Variants in PREX2 observed in about 807,000 individuals in gnomAD.
PREX2 encodes phosphatidylinositol-3,4,5-trisphosphate dependent Rac exchange factor 2.
Under a neutral mutation model 203.2 loss-of-function variants are expected in PREX2, and 107 were observed. That is an observed-to-expected ratio of 0.53 (90% CI 0.45 to 0.62). PREX2 has a LOEUF of 0.62. Among genes scored for constraint, PREX2 ranks in the 20% least tolerant of loss-of-function variants. The probability of loss-of-function intolerance (pLI) is 0.00; values close to 1 mark genes in which losing one functional copy is unlikely to be tolerated. For synonymous variants in PREX2, 672 were observed against 663.6 expected, an observed-to-expected ratio of 1.01 and a Z score of -0.19; for missense variants, 1,777 against 1,955.9, an observed-to-expected ratio of 0.91 and a Z score of 1.72.
chr8:68,148,416 A>T (rs1349882833), intron 34 of PREX2, among the ~76,000 whole-genome samples: 2 of 152,166 alleles, frequency 1.3e-5, no homozygotes, highest in Non-Finnish European at 2.9e-5. Context: ...TCTTCTTAAA[A>T]ATTTTGACTT....
chr8:68,151,376 T>G (rs930626012), intron 34 of PREX2, among the ~76,000 whole-genome samples: 5 of 152,136 alleles, frequency 3.3e-5, no homozygotes, highest in African/African-American at 1.2e-4. Context: ...ATGATAGCAC[T>G]ACTGCACACC....
At chr8:67,999,091 A>C (rs1274719638) in intron 1 of PREX2, among the ~76,000 whole-genome samples, 1 of 152,162 alleles carries the variant, frequency 6.6e-6, no homozygotes, top group African/African-American at 2.4e-5. Context: ...AAAGCTTTTA[A>C]AAATATTCAC....
At chr8:67,999,990 C>G (rs36054974) in intron 1 of PREX2, among the ~76,000 whole-genome samples, 15,274 of 152,186 alleles carry the variant, frequency 0.1, 808 homozygotes, top group South Asian at 0.16. Context: ...CCACCTGTGA[C>G]AAACCCACAG....
At chr8:68,222,957 T>C (rs796998142) in intron 38 of PREX2, among the ~76,000 whole-genome samples, 1 of 152,118 alleles carries the variant, frequency 6.6e-6, no homozygotes, top group Non-Finnish European at 1.5e-5. Flanking sequence ...CCAATACTTA[T>C]CAAGAGTGTT....
intron 1 of PREX2, among the ~76,000 whole-genome samples, chr8:67,990,084 A>G (rs2129609451): frequency 6.6e-6 from 1 of 152,106 alleles, no homozygotes; most frequent in African/African-American, 2.4e-5. Flanking sequence ...CTCCTGGGTT[A>G]AAGCGAGTCT....
At chr8:68,121,923 A>C (rs1810782068) in intron 30 of PREX2, among the ~76,000 whole-genome samples, 1 of 152,154 alleles carries the variant, frequency 6.6e-6, no homozygotes, top group Admixed American at 6.5e-5. Context: ...CACAATAAAT[A>C]CTATTCCTGT....
intron 1 of PREX2, among the ~76,000 whole-genome samples, chr8:67,999,198 A>G (rs1806858823): frequency 8.3e-6 from 1 of 120,086 alleles, no homozygotes; most frequent in Admixed American, 8.2e-5. Flanking sequence ...GGGTTTTTGA[A>G]AAAATTAGTA....
chr8:68,066,599 A>G (rs1809022440), intron 11 of PREX2, among the ~76,000 whole-genome samples: 1 of 151,852 alleles, frequency 6.6e-6, no homozygotes, highest in African/African-American at 2.4e-5. Flanking sequence ...TTAATTTCTT[A>G]TATGTTTTGA....
chr8:68,152,425 A>C lies in PREX2; in HGVS notation c.4232-4897A>C, dbSNP rs574314725. Among the ~76,000 whole-genome samples the C allele has an allele frequency of 9.2e-4, 139 of 151,318 alleles. 3 individuals carry two copies. Among genetic ancestry groups the C allele is most frequent in the African/African-American group, 3.2e-3 (131 of 40,734 alleles). On this transcript the variant is annotated intron_variant, in intron 34 of 39. Transcript: ENST00000288368. ...GGATGGAGATTTCCAAAATGTTAGG[A>C]GTCTGTGGGAAGGTGTAAACCCACC...
In PREX2 at chr8:68,044,444, A is replaced by G. The variant is rs367642291; in HGVS notation, c.840-43A>G. The G allele has an allele frequency of 3.8e-5, 52 of 1,364,236 alleles. No homozygotes were observed. In the African/African-American group the frequency reaches 3.9e-4, roughly 10 times the overall value. The allele number at this position is 1,364,236 out of a possible 1,614,324, so 84.5% of individuals were successfully genotyped here. ...ATATATTGTTTTGACATTGTTTTAC[A>G]TTGTTTAGTAACAAAGTCTTTGTGA... On this transcript the variant is annotated intron_variant, in intron 7 of 39. Coordinates refer to ENST00000288368, the MANE Select transcript of PREX2 (RefSeq NM_024870.4).
At chr8:68,168,769 C>T (rs1460735589) in intron 35 of PREX2, among the ~76,000 whole-genome samples, 1 of 152,168 alleles carries the variant, frequency 6.6e-6, no homozygotes, top group Non-Finnish European at 1.5e-5. Context: ...TTTATAGGGG[C>T]TCTTACTGCC....
intron 23 of PREX2, among the ~76,000 whole-genome samples, chr8:68,103,914 G>T (rs377121603): frequency 5.7e-4 from 86 of 152,086 alleles, no homozygotes; most frequent in African/African-American, 2.0e-3. Flanking sequence ...ATCCTCTGGC[G>T]ATCTCATTCA....
At chr8:67,983,944 G>T (rs1806340679) in intron 1 of PREX2, among the ~76,000 whole-genome samples, 1 of 151,944 alleles carries the variant, frequency 6.6e-6, no homozygotes. Flanking sequence ...AAGAGTGTAG[G>T]ACAGTGCCTG....
intron 38 of PREX2, chr8:68,220,214 T>C (rs1812928397): frequency 6.6e-6 from 1 of 152,110 alleles, no homozygotes; most frequent in African/African-American, 2.4e-5. Flanking sequence ...GTTATTTTAA[T>C]TCACTGCTTG....
intron 1 of PREX2, among the ~76,000 whole-genome samples, chr8:67,962,820 C>G (rs1205980186): frequency 1.4e-4 from 22 of 151,936 alleles, no homozygotes; most frequent in Non-Finnish European, 1.5e-5. Flanking sequence ...GTTGGCCAGG[C>G]TGCTCTCGAA....
At chr8:68,100,310 G>T in intron 23 of PREX2, 1 of 423,746 alleles carries the variant, frequency 2.4e-6, no homozygotes, top group African/African-American at 2.1e-5. Context: ...TATGTGCCAA[G>T]TACTGTTCTA....
chr8:68,077,449 A>T lies in PREX2; in HGVS notation c.1622A>T (p.Asp541Val), dbSNP rs1164665499. The change falls in exon 15 of 40, where the codon GAC becomes GTC. Residue 541 changes from aspartate to valine, a missense_variant. Asp to Val is a radical substitution (Grantham distance 152). Coordinates refer to ENST00000288368, the MANE Select transcript of PREX2 (RefSeq NM_024870.4). The stretch of plus-strand genomic sequence containing the variant: ...ATGATATTTGGCGTTGGACTCTGTG[A>T]CAATGGATTTATGCACCATGGTAGG... ...EAMIFGVGLC[D>V]NGFMHHVLEK... 1 of 1,613,110 alleles carries T rather than the reference A, an allele frequency of 6.2e-7. No homozygotes were observed. Among genetic ancestry groups the T allele is most frequent in the South Asian group, 1.1e-5 (1 of 91,068 alleles).
chr8:67,974,873 T>A (rs1435762792), intron 1 of PREX2, among the ~76,000 whole-genome samples: 1 of 152,178 alleles, frequency 6.6e-6, no homozygotes, highest in African/African-American at 2.4e-5. Flanking sequence ...AATTGGATAT[T>A]AAGTTAGTTG....
chr8:67,956,908 C>T (rs1159220926), intron 1 of PREX2, among the ~76,000 whole-genome samples: 1 of 152,240 alleles, frequency 6.6e-6, no homozygotes, highest in Non-Finnish European at 1.5e-5. Flanking sequence ...AGTCCCATCT[C>T]TAATTTGCTT....
Sources: gnomAD v4.1 joint callset for allele counts (sites outside exome capture counted in the v4.1 genomes callset) on GRCh38, gnomAD v4.1.1 for gene constraint, MANE v1.5 for transcripts, NCBI Gene and HGNC (gene_info 2026-07-23, HGNC 2026-07-21) for gene names.